Variants in CHIC2 observed in about 807,000 individuals in gnomAD.
CHIC2 encodes cysteine-rich hydrophobic domain-containing protein 2.
Under a neutral mutation model 25.9 loss-of-function variants are expected in CHIC2, and 14 were observed. The observed-to-expected ratio is 0.54, with a 90% CI of 0.36 to 0.85. CHIC2 has a LOEUF of 0.85. CHIC2 is among the 40% of genes least tolerant of loss of function. The pLI is 0.01. For missense variants in CHIC2, 146 were observed against 202.0 expected, an observed-to-expected ratio of 0.72 and a Z score of 1.68; for synonymous variants, 70 against 72.0, an observed-to-expected ratio of 0.97 and a Z score of 0.14.
the CHIC2 span, among the ~76,000 whole-genome samples, chr4:54,077,756 T>G: frequency 6.6e-6 from 1 of 152,162 alleles, no homozygotes; most frequent in African/African-American, 2.4e-5. Context: ...TTCTGTTAGG[T>G]CTCTATAACT....
upstream of CHIC2, among the ~76,000 whole-genome samples, chr4:54,068,159 C>T (rs1717555402): frequency 2.6e-5 from 4 of 152,262 alleles, no homozygotes; most frequent in South Asian, 4.1e-4. Flanking sequence ...ACCAAATCAT[C>T]AGGAACTGTG....
chr4:54,083,571 T>C, the CHIC2 span, among the ~76,000 whole-genome samples: 1 of 152,238 alleles, frequency 6.6e-6, no homozygotes, highest in East Asian at 1.9e-4. Flanking sequence ...AAGTCCCCAC[T>C]GACCCATTTG....
chr4:54,090,622 C>G, the CHIC2 span, among the ~76,000 whole-genome samples: 1 of 152,138 alleles, frequency 6.6e-6, no homozygotes, highest in Non-Finnish European at 1.5e-5. Context: ...ATACTGAGTG[C>G]TAAGTATGTG....
chr4:54,038,159 G>C (rs1402485955), intron 3 of CHIC2, among the ~76,000 whole-genome samples: 1 of 152,042 alleles, frequency 6.6e-6, no homozygotes, highest in Non-Finnish European at 1.5e-5. Context: ...AAAAGAAAAA[G>C]TACACAGATT....
chr4:54,022,476 T>C (rs1715932555), intron 3 of CHIC2, among the ~76,000 whole-genome samples: 1 of 152,120 alleles, frequency 6.6e-6, no homozygotes, highest in South Asian at 2.1e-4. Flanking sequence ...CTAAACCTCT[T>C]AAAACTCCCC....
At chr4:54,066,279 G>A (rs1717517109), upstream of CHIC2, among the ~76,000 whole-genome samples, 1 of 152,184 alleles carries the variant, frequency 6.6e-6, no homozygotes, top group African/African-American at 2.4e-5. Flanking sequence ...GCAGATTCAA[G>A]GGCTTAAGAT....
intron 3 of CHIC2, among the ~76,000 whole-genome samples, chr4:54,025,580 C>G (rs749686502): frequency 1.3e-5 from 2 of 151,994 alleles, no homozygotes; most frequent in Non-Finnish European, 2.9e-5. Context: ...GGGTAAAGGC[C>G]GGGCGCAATA....
At chr4:54,080,539 G>A in the CHIC2 span, among the ~76,000 whole-genome samples, 1 of 152,128 alleles carries the variant, frequency 6.6e-6, no homozygotes, top group Non-Finnish European at 1.5e-5. Flanking sequence ...GCTGAGGCAG[G>A]TGGATCATCT....
chr4:54,040,536 A>G (rs1207911585), intron 3 of CHIC2, among the ~76,000 whole-genome samples: 5 of 152,062 alleles, frequency 3.3e-5, no homozygotes, highest in Admixed American at 6.6e-5. Context: ...CCCCGTCTCT[A>G]CTAAAAATAC....
upstream of CHIC2, among the ~76,000 whole-genome samples, chr4:54,067,296 CTGTGTG>C (rs5858255): frequency 1.9e-3 from 283 of 149,706 alleles, 3 homozygotes; most frequent in African/African-American, 4.8e-3. Flanking sequence ...GTGTGTGTGT[CTGTGTG>C]TGTGTGTGTG....
At chr4:54,065,811 A>G (rs1717505604), upstream of CHIC2, among the ~76,000 whole-genome samples, 1 of 152,092 alleles carries the variant, frequency 6.6e-6, no homozygotes. Flanking sequence ...GAGAAAGTGC[A>G]AAGGAGGTCA....
At chr4:54,087,587 T>G in the CHIC2 span, 2 of 864,646 alleles carry the variant, frequency 2.3e-6, no homozygotes, top group Non-Finnish European at 3.3e-6. Context: ...GTCCCAGGTT[T>G]AAGGGGCACA....
At chr4:54,050,459 C>A (rs778944269) in intron 1 of CHIC2, among the ~76,000 whole-genome samples, 1 of 152,040 alleles carries the variant, frequency 6.6e-6, no homozygotes, top group Non-Finnish European at 1.5e-5. Flanking sequence ...TCCTGATAGA[C>A]CTTGAAACCC....
Position 54,049,239 on chromosome 4 carries a change from T to A in CHIC2, c.174+12A>T. On this transcript the variant is annotated intron_variant, in intron 2 of 5. Transcript: ENST00000263921. ...TTGAGGCATACAAATAGTACATAAA[T>A]GAGACACTCACTTTTCCAGTTAATG... 3 of 1,598,252 alleles carry A rather than the reference T, an allele frequency of 1.9e-6. No individual in the cohort carries two copies. Among genetic ancestry groups the A allele is most frequent in the Non-Finnish European group, 2.6e-6 (3 of 1,169,704 alleles).
chr4:54,064,412 G>T lies in CHIC2; in HGVS notation c.-112C>A. 6.5e-7 allele frequency: 1 copy of T among 1,533,334 alleles called. No individual in the cohort carries two copies. Among genetic ancestry groups the T allele is most frequent in the South Asian group, 1.2e-5 (1 of 82,764 alleles). The allele number at this position is 1,533,334 out of a possible 1,614,324, so 95.0% of individuals were successfully genotyped here. A position where few individuals can be genotyped will look rare whatever the true frequency, so the allele number is the denominator to read the frequency against. On this transcript the variant is annotated 5_prime_UTR_variant, in exon 1 of 6. Coordinates refer to ENST00000263921, the MANE Select transcript of CHIC2 (RefSeq NM_012110.4). This position sits in a 1 kb window ranked among gnomAD's most constrained non-coding sequence, Gnocchi z 4.2. ...GGGAGTCGCCGCTGCCGCCGGCTCCGAGGCCGCGGAGTTCGCTGTCGGCTG... is the reference window on the plus strand; with the variant it reads ...GGGAGTCGCCGCTGCCGCCGGCTCCTAGGCCGCGGAGTTCGCTGTCGGCTG...
chr4:54,089,327 T>C, the CHIC2 span, among the ~76,000 whole-genome samples: 32,874 of 151,768 alleles, frequency 0.22, 3,593 homozygotes, highest in South Asian at 0.27. Flanking sequence ...AACAAAATTA[T>C]ATTGTGATCA....
At chr4:54,065,367 TTTG>T (rs1717490882), upstream of CHIC2, 3 of 960,734 alleles carry the variant, frequency 3.1e-6, no homozygotes, top group African/African-American at 1.8e-5. Flanking sequence ...TAACCTGGTT[TTTG>T]TTGTTGTTTC....
chr4:54,015,232 A>G (rs1334592171), intron 3 of CHIC2, among the ~76,000 whole-genome samples: 6 of 152,098 alleles, frequency 3.9e-5, no homozygotes, highest in Admixed American at 3.9e-4. Context: ...ACTGCCTTAC[A>G]TTTTCCAAGC....
intron 3 of CHIC2, among the ~76,000 whole-genome samples, chr4:54,032,161 T>C (rs940818721): frequency 3.3e-5 from 5 of 152,180 alleles, no homozygotes; most frequent in Middle Eastern, 3.2e-3. Flanking sequence ...GGACCACTTT[T>C]AGAAAGTGGC....
Sources: allele counts gnomAD v4.1 joint callset (sites outside exome capture counted in the v4.1 genomes callset), GRCh38; gene constraint gnomAD v4.1.1; non-coding constraint Gnocchi (gnomAD v3.1); transcripts MANE v1.5; gene names NCBI Gene and HGNC (gene_info 2026-07-23, HGNC 2026-07-21).